FLVCR1: variants seen among roughly 807,000 people sequenced by gnomAD.
FLVCR1 encodes the protein choline/ethanolamine transporter FLVCR1.
Under a neutral mutation model 53.6 loss-of-function variants are expected in FLVCR1, and 34 were observed. That is an observed-to-expected ratio of 0.63 (90% confidence interval 0.48 to 0.84). The LOEUF (loss-of-function observed/expected upper bound fraction) is 0.84. Ranked by LOEUF, FLVCR1 falls within the 40% of genes least tolerant of loss-of-function variation. The pLI is 0.00. For synonymous variants in FLVCR1, 300 were observed against 286.3 expected (o/e 1.05, Z -0.48); for missense variants, 677 against 696.7 (o/e 0.97, Z 0.32).
At position 212,889,145 on chromosome 1, in the gene FLVCR1, G is replaced by A; in HGVS notation, c.1414-1G>A. ...GAATGATTTTTCTTATTGTATTTTA[G>A]ATATTTGGAATTTTGTTCACATTGG... On this transcript the variant is annotated splice_acceptor_variant, in intron 7 of 9. Transcript: ENST00000366971. LOFTEE classifies it high-confidence loss of function. 1 of 1,582,062 alleles carries A rather than the reference G, an allele frequency of 6.3e-7. No individual in the cohort carries two copies. The highest frequency in any genetic ancestry group is 8.7e-7 in the Non-Finnish European group (1 of 1,151,142).
intron 3 of FLVCR1, among the ~76,000 whole-genome samples, chr1:212,873,219 A>G (rs1336639927): frequency 6.6e-6 from 1 of 151,944 alleles, no homozygotes; most frequent in African/African-American, 2.4e-5. Context: ...TGGCTGAGGC[A>G]GGAGAATCGC....
chr1:212,884,244 A>T (rs904463298), intron 4 of FLVCR1, among the ~76,000 whole-genome samples: 8 of 152,044 alleles, frequency 5.3e-5, no homozygotes, highest in Admixed American at 3.3e-4. Flanking sequence ...GGTGGCGGTG[A>T]GCCGAGATCG....
chr1:212,886,763 C>T (rs1665075987), intron 5 of FLVCR1, among the ~76,000 whole-genome samples: 1 of 151,904 alleles, frequency 6.6e-6, no homozygotes, highest in African/African-American at 2.4e-5. Context: ...TAGCGTGCCA[C>T]TGGTCTCCAG....
At chr1:212,893,148 C>T (rs12136547) in intron 8 of FLVCR1, among the ~76,000 whole-genome samples, 59,654 of 151,222 alleles carry the variant, frequency 0.39, 13,308 homozygotes, top group South Asian at 0.52. Context: ...CTCTGCCTCC[C>T]GGGTTCAGGC....
intron 5 of FLVCR1, among the ~76,000 whole-genome samples, chr1:212,886,470 G>A (rs550911223): frequency 1.9e-4 from 29 of 152,278 alleles, no homozygotes; most frequent in African/African-American, 6.5e-4. Flanking sequence ...AGTACGCCCA[G>A]ACTACAGTAC....
In FLVCR1 at chr1:212,860,350, GTTTTTT is replaced by G. The variant is rs567270153; in HGVS notation, c.738+1173_738+1178del. On this transcript the variant is annotated intron_variant, in intron 1 of 9. Coordinates refer to ENST00000366971, the MANE Select transcript of FLVCR1 (RefSeq NM_014053.4). ...TATTATAAAGTTTTTTGTGTGTGTG[GTTTTTT>G]TTTTTTTTTTTTGTAGAAATGGGGT... is the stretch of plus-strand genomic sequence containing the variant. Among the ~76,000 whole-genome samples the G allele has an allele frequency of 7.0e-5, 6 of 85,850 alleles. No individual in the cohort carries two copies. The South Asian group carries it at 2.5e-3, about 36-fold the overall frequency. 56.3% of individuals were successfully genotyped at this position (85,850 alleles called of 152,430 possible).
intron 8 of FLVCR1, among the ~76,000 whole-genome samples, chr1:212,890,031 GTCA>G (rs1665151821): frequency 6.6e-6 from 1 of 152,216 alleles, no homozygotes; most frequent in South Asian, 2.1e-4. Flanking sequence ...ATGGTAAGCA[GTCA>G]AGTGGTAGTG....
rs1360060413 is a variant in FLVCR1, at chr1:212,896,341, A to G, written c.*1051A>G. ...ATTTGAATTCTGCAGTATCATTTTTATGACCATTCTCCTTTGAGGAATACT... is the reference window on the plus strand; with the variant it reads ...ATTTGAATTCTGCAGTATCATTTTTGTGACCATTCTCCTTTGAGGAATACT... On this transcript the variant is annotated 3_prime_UTR_variant, in exon 10 of 10. Transcript: ENST00000366971. 6.6e-6 allele frequency: 1 copy of G among 152,188 alleles called. No homozygotes were observed. Among genetic ancestry groups the G allele is most frequent in the African/African-American group, 2.4e-5 (1 of 41,436 alleles). The allele number at this position is 152,188 out of a possible 1,614,324, so 9.4% of individuals were successfully genotyped here. A position where few individuals can be genotyped will look rare whatever the true frequency, so the allele number is the denominator to read the frequency against.
intron 7 of FLVCR1, 119 bp downstream of exon 7, chr1:212,888,713 C>T: frequency 1.2e-6 from 1 of 809,502 alleles, no homozygotes; most frequent in Non-Finnish European, 2.1e-6. Context: ...GAGACAGAGT[C>T]TTGCTCAGCC....
chr1:212,887,982 G>A lies in FLVCR1; in HGVS notation c.1288G>A (p.Val430Ile), dbSNP rs1439624290. 6.3e-7 allele frequency: 1 copy of A among 1,592,346 alleles called. No homozygotes were observed. Among genetic ancestry groups the A allele is most frequent in the Non-Finnish European group, 8.6e-7 (1 of 1,160,546 alleles). The change falls in exon 6 of 10, where the codon GTT (valine) becomes ATT (isoleucine). Residue 430 changes from valine to isoleucine, a missense_variant. By Grantham distance (29) the Val-to-Ile change is conservative (BLOSUM62 3). Transcript: ENST00000366971. ...LDLRYIIIVF[V>I]TGGVLGFFMT... ...CCTTAGATATATTATCATCGTGTTTGTTACTGGAGGGGTGCTTGGGTAAGT... is the reference window on the plus strand; with the variant it reads ...CCTTAGATATATTATCATCGTGTTTATTACTGGAGGGGTGCTTGGGTAAGT...
At chr1:212,883,602 AC>A (rs1332563293) in intron 4 of FLVCR1, among the ~76,000 whole-genome samples, 164 bp downstream of exon 4, 1 of 152,256 alleles carries the variant, frequency 6.6e-6, no homozygotes, top group Non-Finnish European at 1.5e-5. Context: ...TGAAATTTCC[AC>A]AACTTTATAT....
At chr1:212,870,019 A>G (rs887841282) in intron 2 of FLVCR1, 1 of 152,180 alleles carries the variant, frequency 6.6e-6, no homozygotes, top group Admixed American at 6.5e-5. Flanking sequence ...TGCATTACCA[A>G]TCTTAGTAAG....
intron 2 of FLVCR1, among the ~76,000 whole-genome samples, chr1:212,868,892 A>G (rs1282089168): frequency 6.6e-6 from 1 of 152,136 alleles, no homozygotes; most frequent in Non-Finnish European, 1.5e-5. Flanking sequence ...ACAGCTTGCT[A>G]TTGTTATTTA....
intron 2 of FLVCR1, among the ~76,000 whole-genome samples, chr1:212,871,210 C>A (rs1475349792): frequency 6.6e-6 from 1 of 152,104 alleles, no homozygotes; most frequent in African/African-American, 2.4e-5. Flanking sequence ...TGAAAACCTT[C>A]TATTGATACC....
rs774614268 is a variant in FLVCR1 at position 212,896,855 on chromosome 1, T to TAAAAAAAAAAAAAAAAAAAAAAAAA, written c.*1574_*1598dup. 5.9e-5 allele frequency: 1 copy of TAAAAAAAAAAAAAAAAAAAAAAAAA among 17,092 alleles called. No individual in the cohort carries two copies. Among genetic ancestry groups the TAAAAAAAAAAAAAAAAAAAAAAAAA allele is most frequent in the African/African-American group, 1.6e-4 (1 of 6,120 alleles). 1.1% of individuals were successfully genotyped at this position (17,092 alleles called of 1,614,324 possible). A position where few individuals can be genotyped will look rare whatever the true frequency, so the allele number is the denominator to read the frequency against. ...CAACATGGTAAAACCCCATCTCTAC[T>TAAAAAAAAAAAAAAAAAAAAAAAAA]AAAAAAAAAAAAAAAAAAAAAAAAA... On this transcript the variant is annotated 3_prime_UTR_variant, in exon 10 of 10. Transcript: ENST00000366971.
rs141272551 is a variant in FLVCR1, at chr1:212,897,166, CAAATAAATAAATAAATAAATAAAT to C, written c.*1900_*1923del. 0.23 allele frequency: 33,019 copies of C among 143,566 alleles called. 4,367 individuals carry two copies. Among genetic ancestry groups the C allele is most frequent in the East Asian group, 0.44 (2,169 of 4,942 alleles). The allele number at this position is 143,566 out of a possible 1,614,324, so 8.9% of individuals were successfully genotyped here. ...CCTGGGAGATAAAGTGAGACTGTCT[CAAATAAATAAATAAATAAATAAAT>C]AAATAAATAAATAAATAAATAAAAC... On this transcript the variant is annotated 3_prime_UTR_variant, in exon 10 of 10. Transcript: ENST00000366971.
At chr1:212,879,295 T>C (rs1422615840) in intron 3 of FLVCR1, among the ~76,000 whole-genome samples, 1 of 152,162 alleles carries the variant, frequency 6.6e-6, no homozygotes, top group Non-Finnish European at 1.5e-5. Flanking sequence ...TTTCTCGACT[T>C]CATGTTCTTC....
chr1:212,863,212 A>G (rs1303705354), intron 1 of FLVCR1, among the ~76,000 whole-genome samples: 3 of 152,248 alleles, frequency 2.0e-5, no homozygotes, highest in Non-Finnish European at 4.4e-5. Flanking sequence ...CTCAGATGGT[A>G]GGAACTCAGT....
rs2102569458 is a variant in FLVCR1, at chr1:212,888,534, T to C, written c.1353T>C (p.Val451=). The stretch of plus-strand genomic sequence containing the variant: ...TCCCTTTGGGTTTTGAATTTGCTGT[T>C]GAAATCACTTACCCTGAATCTGAAG... ...GYLPLGFEFA[V]EITYPESEGT... The change falls in exon 7 of 10, where the codon GTT becomes GTC. Residue 451 remains valine, a synonymous_variant. Coordinates refer to ENST00000366971, the MANE Select transcript of FLVCR1 (RefSeq NM_014053.4). The C allele has an allele frequency of 6.2e-7, 1 of 1,613,988 alleles. No homozygotes were observed. The highest frequency in any genetic ancestry group is 2.2e-5 in the East Asian group (1 of 44,860).
Sources: gnomAD v4.1 joint callset for allele counts (sites outside exome capture counted in the v4.1 genomes callset) on GRCh38, gnomAD v4.1.1 for gene constraint, MANE v1.5 for transcripts, NCBI Gene and HGNC (gene_info 2026-07-23, HGNC 2026-07-21) for gene names.